The following GALNT18 variants were observed in gnomAD, a reference collection of about 807,000 sequenced individuals.
GALNT18 encodes the protein GalNAc-transferase 18.
Under a neutral mutation model 69.5 loss-of-function variants are expected in GALNT18, and 44 were observed. The observed-to-expected ratio is 0.63, with a 90% CI of 0.50 to 0.81. GALNT18 has a LOEUF of 0.81. Ranked by LOEUF, GALNT18 falls within the 40% of genes least tolerant of loss-of-function variation. GALNT18 has a pLI of 0.00. For synonymous variants in GALNT18, 364 were observed against 318.2 expected, an observed-to-expected ratio of 1.14 and a Z score of -1.53; for missense variants, 715 against 810.0, an observed-to-expected ratio of 0.88 and a Z score of 1.42.
In GALNT18 at chr11:11,360,211, T is replaced by C. The variant is rs917404463; in HGVS notation, c.1092+12304A>G. On this transcript the variant is annotated intron_variant, in intron 6 of 10. Transcript: ENST00000227756. Reference sequence around the variant, plus strand: ...GACAGGTCAATGTTGACAGGTCAAATCCCCATCTTCAGGATGCTCACTCCT... The same window carrying C: ...GACAGGTCAATGTTGACAGGTCAAACCCCCATCTTCAGGATGCTCACTCCT... Among the ~76,000 whole-genome samples, 15 of 152,296 alleles carry C rather than the reference T, an allele frequency of 9.8e-5. No individual in the cohort carries two copies. The South Asian group carries it at 1.2e-3, about 13-fold the overall frequency.
In GALNT18 at chr11:11,496,085, AC is replaced by A. The variant is rs1328309545; in HGVS notation, c.236-47150del. ...GAACAAGTAACTTGTCTAAGGACAC[AC>A]AGCAAAGAATAAGAGCCAGGAGCTT... On this transcript the variant is annotated intron_variant, in intron 1 of 10. Coordinates refer to ENST00000227756, the MANE Select transcript of GALNT18 (RefSeq NM_198516.3). This position sits in a 1 kb window ranked among gnomAD's most constrained non-coding sequence, Gnocchi z 4.0. 2.0e-5 allele frequency among the ~76,000 whole-genome samples: 3 copies of A among 152,282 alleles called. No homozygotes were observed. The highest frequency in any genetic ancestry group is 4.4e-5 in the Non-Finnish European group (3 of 68,042).
At position 11,315,928 on chromosome 11, in the gene GALNT18, G is replaced by A. The variant is rs111853247; in HGVS notation, c.1512+11158C>T. ...CAAACAGAAGCTGAGGGTGGCTGCC[G>A]AGAGTGAGCCTCACAGGGCCAGTCC... On this transcript the variant is annotated intron_variant, in intron 9 of 10. Transcript: ENST00000227756. The surrounding 1 kb of genome is among the most constrained non-coding windows in gnomAD (Gnocchi z 5.6). Among the ~76,000 whole-genome samples the A allele has an allele frequency of 8.2e-3, 1,250 of 151,824 alleles. 21 individuals are homozygous for A. The highest frequency in any genetic ancestry group is 0.053 in the South Asian group (254 of 4,784).
At chr11:11,476,125 A>T (rs1351483497) in intron 1 of GALNT18, 1 of 152,178 alleles carries the variant, frequency 6.6e-6, no homozygotes, top group East Asian at 1.9e-4. Context: ...TTAGTTCAAG[A>T]ATGATATTTT....
rs58774538 is a variant in GALNT18, at chr11:11,286,492, C to CT, written c.1677+6536dup. Among the ~76,000 whole-genome samples, 668 of 150,666 alleles carry CT rather than the reference C, an allele frequency of 4.4e-3. 6 individuals carry two copies. Among genetic ancestry groups the CT allele is most frequent in the African/African-American group, 0.011 (452 of 41,072 alleles). ...ATGTCTTTGAAATACTGTTAGATGACTTTTTTTTTTCTCCAGTGAGCATGC... is the reference window on the plus strand; with the variant it reads ...ATGTCTTTGAAATACTGTTAGATGACTTTTTTTTTTTCTCCAGTGAGCATGC... On this transcript the variant is annotated intron_variant, in intron 10 of 10. Transcript: ENST00000227756.
At chr11:11,313,193 G>C (rs933155329) in intron 9 of GALNT18, among the ~76,000 whole-genome samples, 6 of 152,120 alleles carry the variant, frequency 3.9e-5, no homozygotes, top group Admixed American at 3.9e-4. Context: ...CCAGTGGGGA[G>C]ATGAGTACCC....
intron 8 of GALNT18, among the ~76,000 whole-genome samples, chr11:11,331,267 T>C (rs1850012521): frequency 1.3e-5 from 2 of 152,146 alleles, no homozygotes; most frequent in Admixed American, 1.3e-4. Flanking sequence ...GGTCACTGCA[T>C]GGTTCTCTTG....
intron 6 of GALNT18, among the ~76,000 whole-genome samples, chr11:11,348,592 T>A (rs1350803209): frequency 6.6e-6 from 1 of 152,112 alleles, no homozygotes; most frequent in African/African-American, 2.4e-5. Flanking sequence ...CTTAACATGG[T>A]TTGCAAGACC....
At chr11:11,419,461 G>T (rs1002969586) in intron 3 of GALNT18, among the ~76,000 whole-genome samples, 1 of 151,840 alleles carries the variant, frequency 6.6e-6, no homozygotes, top group African/African-American at 2.4e-5. Context: ...GCCAGGCATG[G>T]TAGCGCACGC....
At chr11:11,464,329 C>T (rs192941043) in intron 1 of GALNT18, among the ~76,000 whole-genome samples, 2 of 152,304 alleles carry the variant, frequency 1.3e-5, no homozygotes, top group Admixed American at 1.3e-4. Flanking sequence ...GTCTCCTAGG[C>T]TCAGATCTAA....
At position 11,587,934 on chromosome 11, in the gene GALNT18, A is replaced by G. The variant is rs1366006263; in HGVS notation, c.235+33425T>C. ...TTTCTACTAATTCACTAAGAGTGGC[A>G]TGTCTCTACCAATAAATTACAAAAT... On this transcript the variant is annotated intron_variant, in intron 1 of 10. Coordinates refer to ENST00000227756, the MANE Select transcript of GALNT18 (RefSeq NM_198516.3). This position sits in a 1 kb window ranked among gnomAD's most constrained non-coding sequence, Gnocchi z 4.4. Among the ~76,000 whole-genome samples the G allele has an allele frequency of 6.6e-6, 1 of 152,182 alleles. No individual in the cohort carries two copies. Among genetic ancestry groups the G allele is most frequent in the East Asian group, 1.9e-4 (1 of 5,180 alleles).
intron 1 of GALNT18, among the ~76,000 whole-genome samples, chr11:11,597,818 G>A (rs1372605058): frequency 1.3e-5 from 2 of 151,696 alleles, no homozygotes; most frequent in Non-Finnish European, 2.9e-5. Flanking sequence ...CTGCCACCAC[G>A]CCCGGCTAAT....
chr11:11,378,605 A>G (rs756203839), intron 4 of GALNT18, among the ~76,000 whole-genome samples: 9 of 152,156 alleles, frequency 5.9e-5, no homozygotes, highest in Non-Finnish European at 1.2e-4. Context: ...GCTACCTCCA[A>G]TCTGGCAGTG....
chr11:11,552,944 T>C (rs6484993), intron 1 of GALNT18, among the ~76,000 whole-genome samples: 151,595 of 152,292 alleles, frequency 1, 75,454 homozygotes, highest in Middle Eastern at 1. Context: ...CAGCAGTTTG[T>C]CAGGAGCCAC....
Position 11,598,100 on chromosome 11 carries a change from T to C in GALNT18, c.235+23259A>G, listed in dbSNP as rs1316865550. ...TCTCCATTTATTTCAGTGCTAATCC[T>C]TACCTTTCTTCCACTTGCTTTAGGT... On this transcript the variant is annotated intron_variant, in intron 1 of 10. Transcript: ENST00000227756. The surrounding 1 kb of genome is among the most constrained non-coding windows in gnomAD (Gnocchi z 4.8). 6.6e-6 allele frequency among the ~76,000 whole-genome samples: 1 copy of C among 152,184 alleles called. No homozygotes were observed. Among genetic ancestry groups the C allele is most frequent in the Non-Finnish European group, 1.5e-5 (1 of 68,030 alleles).
chr11:11,565,155 A>T (rs1858612598), intron 1 of GALNT18, among the ~76,000 whole-genome samples: 1 of 152,190 alleles, frequency 6.6e-6, no homozygotes, highest in Admixed American at 6.5e-5. Context: ...GTTTGCCTCC[A>T]CTGCCTCATC....
At chr11:11,343,365 T>A (rs910346923) in intron 6 of GALNT18, among the ~76,000 whole-genome samples, 8 of 151,114 alleles carry the variant, frequency 5.3e-5, no homozygotes, top group African/African-American at 1.9e-4. Flanking sequence ...ATAAAAAAAA[T>A]AAAAAATAAT....
chr11:11,525,186 C>T (rs1027749005), intron 1 of GALNT18, among the ~76,000 whole-genome samples: 5 of 152,056 alleles, frequency 3.3e-5, no homozygotes, highest in African/African-American at 9.7e-5. Flanking sequence ...GGAAAAACAA[C>T]GAAATGGAGG....
intron 1 of GALNT18, among the ~76,000 whole-genome samples, chr11:11,534,192 C>T (rs904673616): frequency 3.3e-5 from 5 of 152,182 alleles, no homozygotes; most frequent in East Asian, 1.9e-4. Context: ...TAGGTTCACG[C>T]CTTTGACCAC....
intron 1 of GALNT18, among the ~76,000 whole-genome samples, chr11:11,594,182 G>A (rs1859430946): frequency 1.3e-5 from 2 of 152,196 alleles, no homozygotes; most frequent in African/African-American, 4.8e-5. Context: ...TGTGCTTCCT[G>A]TCCAGAGGGA....
Sources: allele counts gnomAD v4.1 joint callset (sites outside exome capture counted in the v4.1 genomes callset), GRCh38; gene constraint gnomAD v4.1.1; non-coding constraint Gnocchi (gnomAD v3.1); transcripts MANE v1.5; gene names NCBI Gene and HGNC (gene_info 2026-07-23, HGNC 2026-07-21).